The following FAM114A1 variants were observed in gnomAD, a reference collection of about 807,000 sequenced individuals.
FAM114A1 encodes protein NOXP20.
FAM114A1 carries 62 observed loss-of-function variants against 64.3 expected under a neutral mutation model. The observed-to-expected ratio is 0.96, with a 90% CI of 0.79 to 1.19. The LOEUF (loss-of-function observed/expected upper bound fraction) is 1.19, where lower values mean the gene tolerates loss of function less well. Among genes scored for constraint, FAM114A1 ranks in the 50% most tolerant of loss-of-function variants. The pLI is 0.00. For synonymous variants in FAM114A1, 254 were observed against 251.1 expected, an observed-to-expected ratio of 1.01 and a Z score of -0.11; for missense variants, 645 against 676.3, an observed-to-expected ratio of 0.95 and a Z score of 0.51.
chr4:38,894,412 G>A (rs952026951), intron 4 of FAM114A1, among the ~76,000 whole-genome samples: 4 of 152,128 alleles, frequency 2.6e-5, no homozygotes, highest in African/African-American at 9.7e-5. Flanking sequence ...GCCTAGAGAG[G>A]TAAATTCCTG....
At chr4:38,914,783 T>C (rs1718875525) in intron 7 of FAM114A1, 138 bp from the exon 8 acceptor site, 1 of 941,976 alleles carries the variant, frequency 1.1e-6, no homozygotes, top group Admixed American at 3.0e-5. Flanking sequence ...AAAAAAATCA[T>C]TTTTTAGAAA....
At chr4:38,880,180 T>TAGAATAGAATAGAAAAA (rs1715117213) in intron 3 of FAM114A1, among the ~76,000 whole-genome samples, 1 of 130,144 alleles carries the variant, frequency 7.7e-6, no homozygotes, top group African/African-American at 2.9e-5. Context: ...GAATAGAAAA[T>TAGAATAGAATAGAAAAA]ATTGATGCTA....
chr4:38,919,084 C>T lies in FAM114A1; in HGVS notation c.946-3686C>T, dbSNP rs146448935. On this transcript the variant is annotated intron_variant, in intron 8 of 14. Coordinates refer to ENST00000358869, the MANE Select transcript of FAM114A1 (RefSeq NM_138389.4). ...ACGAGAGTCACTTGAACCTGGGGGG[C>T]GGAGGTTGTAGTGAGCCGAGATCAC... Among the ~76,000 whole-genome samples the T allele has an allele frequency of 7.8e-3, 1,163 of 149,262 alleles. 30 individuals carry two copies. In the East Asian group the frequency reaches 0.097, roughly 12 times the overall value.
intron 2 of FAM114A1, among the ~76,000 whole-genome samples, chr4:38,876,692 A>G (rs1714680422): frequency 6.6e-6 from 1 of 152,200 alleles, no homozygotes. Context: ...ACACAGACTT[A>G]TTCTCTTGGA....
chr4:38,878,848 A>G (rs1714935795), intron 3 of FAM114A1, among the ~76,000 whole-genome samples: 1 of 152,222 alleles, frequency 6.6e-6, no homozygotes, highest in African/African-American at 2.4e-5. Context: ...ACTCCAGATA[A>G]TTAACAAGCC....
At chr4:38,910,929 T>C (rs1718473605) in intron 7 of FAM114A1, among the ~76,000 whole-genome samples, 1 of 152,076 alleles carries the variant, frequency 6.6e-6, no homozygotes, top group Non-Finnish European at 1.5e-5. Flanking sequence ...GTTAGTGAAA[T>C]GGGGAAACCA....
chr4:38,873,901 G>GT (rs1445942527), intron 2 of FAM114A1, among the ~76,000 whole-genome samples: 1 of 152,166 alleles, frequency 6.6e-6, no homozygotes, highest in Non-Finnish European at 1.5e-5. Flanking sequence ...GGAGAGCCAT[G>GT]TAATTAGAGC....
chr4:38,908,439 G>T (rs1364307855), intron 6 of FAM114A1, among the ~76,000 whole-genome samples, 153 bp from the exon 7 acceptor site: 1 of 152,040 alleles, frequency 6.6e-6, no homozygotes, highest in Non-Finnish European at 1.5e-5. Context: ...ACGAGAATAG[G>T]ATTAAATGGA....
chr4:38,895,226 C>T (rs1002189074), intron 4 of FAM114A1, among the ~76,000 whole-genome samples: 2 of 152,170 alleles, frequency 1.3e-5, no homozygotes, highest in East Asian at 1.9e-4. Flanking sequence ...GGGTCATTCA[C>T]GTTGTTGGCA....
chr4:38,875,493 A>C (rs1714524471), intron 2 of FAM114A1, among the ~76,000 whole-genome samples: 1 of 152,206 alleles, frequency 6.6e-6, no homozygotes, highest in Non-Finnish European at 1.5e-5. Flanking sequence ...GTGTATAGAA[A>C]TGCTACTGAT....
At chr4:38,901,895 A>C (rs1177318716) in intron 4 of FAM114A1, among the ~76,000 whole-genome samples, 1 of 152,206 alleles carries the variant, frequency 6.6e-6, no homozygotes, top group Non-Finnish European at 1.5e-5. Context: ...GTCAGGTTTC[A>C]CCCTGGAGGT....
At chr4:38,875,642 T>G (rs1714540040) in intron 2 of FAM114A1, among the ~76,000 whole-genome samples, 1 of 152,182 alleles carries the variant, frequency 6.6e-6, no homozygotes, top group African/African-American at 2.4e-5. Context: ...TCTCTTCCTA[T>G]TTTATTTCGT....
At chr4:38,914,822 C>A (rs984773546) in intron 7 of FAM114A1, 99 bp from the exon 8 acceptor site, 13 of 1,356,484 alleles carry the variant, frequency 9.6e-6, no homozygotes, top group Non-Finnish European at 1.2e-5. Flanking sequence ...CTCCCCCTCT[C>A]CAACACAAAA....
intron 3 of FAM114A1, among the ~76,000 whole-genome samples, chr4:38,890,132 A>G (rs1014100874): frequency 6.6e-6 from 1 of 152,182 alleles, no homozygotes; most frequent in Admixed American, 6.5e-5. Flanking sequence ...GAGGCTGGGC[A>G]TGGTGGCTCA....
chr4:38,894,287 T>G (rs1716701587), intron 4 of FAM114A1, among the ~76,000 whole-genome samples: 1 of 152,134 alleles, frequency 6.6e-6, no homozygotes, highest in African/African-American at 2.4e-5. Context: ...CTCTTAAAGT[T>G]TCTCTGTGTC....
At chr4:38,904,642 G>A (rs2109669803) in intron 4 of FAM114A1, among the ~76,000 whole-genome samples, 1 of 152,298 alleles carries the variant, frequency 6.6e-6, no homozygotes, top group South Asian at 2.1e-4. Flanking sequence ...ATTTTTGGAT[G>A]TCAGCTCCAG....
intron 6 of FAM114A1, among the ~76,000 whole-genome samples, chr4:38,908,201 T>C (rs186317197): frequency 6.6e-6 from 1 of 152,194 alleles, no homozygotes; most frequent in Non-Finnish European, 1.5e-5. Flanking sequence ...GTTAAAAAAA[T>C]TTTTAAACAG....
chr4:38,937,854 C>T (rs1343894248), intron 13 of FAM114A1, among the ~76,000 whole-genome samples: 1 of 152,040 alleles, frequency 6.6e-6, no homozygotes, highest in Non-Finnish European at 1.5e-5. Flanking sequence ...CATGCCTCAG[C>T]CTCCTGAGTA....
intron 4 of FAM114A1, among the ~76,000 whole-genome samples, chr4:38,901,142 G>A (rs1324968755): frequency 6.6e-6 from 1 of 152,174 alleles, no homozygotes; most frequent in African/African-American, 2.4e-5. Flanking sequence ...ATGAGTTAGC[G>A]TGGGCCCTTC....
Sources: allele counts gnomAD v4.1 joint callset (sites outside exome capture counted in the v4.1 genomes callset), GRCh38; gene constraint gnomAD v4.1.1; transcripts MANE v1.5; gene names NCBI Gene and HGNC (gene_info 2026-07-23, HGNC 2026-07-21).